Variants in ALCAM observed in about 807,000 individuals in gnomAD.
ALCAM encodes the protein CD166 antigen.
A neutral mutation model predicts 70.9 loss-of-function variants in ALCAM; 30 were observed. That is an observed-to-expected ratio of 0.42 (90% CI 0.32 to 0.57). The LOEUF (loss-of-function observed/expected upper bound fraction) is 0.57, where lower values mean the gene tolerates loss of function less well. Ranked by LOEUF, ALCAM falls within the 20% of genes least tolerant of loss-of-function variation. The probability of loss-of-function intolerance (pLI) is 0.11; values close to 1 mark genes in which losing one functional copy is unlikely to be tolerated. For synonymous variants in ALCAM, 249 were observed against 242.5 expected, an observed-to-expected ratio of 1.03 and a Z score of -0.25; for missense variants, 591 against 695.1, an observed-to-expected ratio of 0.85 and a Z score of 1.68.
At chr3:105,434,631 C>T (rs1194683288) in intron 1 of ALCAM, among the ~76,000 whole-genome samples, 1 of 151,888 alleles carries the variant, frequency 6.6e-6, no homozygotes, top group Non-Finnish European at 1.5e-5. Context: ...CCTGTTCTTA[C>T]TGGTAAGTAG....
Position 105,447,037 on chromosome 3 carries a change from G to A in ALCAM, c.74-73030G>A, listed in dbSNP as rs146731938. ...CTCGCCACAAAAAAAAATGATAAATGTGCGAAGTTATGGATATGCTAAATG... is the reference window on the plus strand; with the variant it reads ...CTCGCCACAAAAAAAAATGATAAATATGCGAAGTTATGGATATGCTAAATG... On this transcript the variant is annotated intron_variant, in intron 1 of 15. Coordinates refer to ENST00000306107, the MANE Select transcript of ALCAM (RefSeq NM_001627.4). Among the ~76,000 whole-genome samples, 35 of 152,262 alleles carry A rather than the reference G, an allele frequency of 2.3e-4. 1 individual carries two copies. In the East Asian group the frequency reaches 6.6e-3, roughly 29 times the overall value.
chr3:105,449,076 A>T (rs1385301134), intron 1 of ALCAM, among the ~76,000 whole-genome samples: 1 of 152,242 alleles, frequency 6.6e-6, no homozygotes, highest in East Asian at 1.9e-4. Context: ...CACATGGAAA[A>T]AAAACAAACA....
intron 14 of ALCAM, 24 bp downstream of exon 14, chr3:105,552,609 C>T (rs546670647): frequency 1.2e-6 from 2 of 1,610,552 alleles, no homozygotes; most frequent in East Asian, 2.2e-5. Flanking sequence ...AAAAGATCTT[C>T]ATCGTTCATT....
intron 1 of ALCAM, among the ~76,000 whole-genome samples, chr3:105,399,231 A>T (rs1425774589): frequency 6.6e-6 from 1 of 152,098 alleles, no homozygotes. Context: ...GCATCATCGT[A>T]CCCAGCAAAT....
chr3:105,472,190 C>A (rs1937954024), intron 1 of ALCAM, among the ~76,000 whole-genome samples: 1 of 150,842 alleles, frequency 6.6e-6, no homozygotes, highest in Admixed American at 6.6e-5. Context: ...TTGTTTGTTT[C>A]TTTGTTTGTT....
chr3:105,463,332 C>A (rs1937630449), intron 1 of ALCAM, among the ~76,000 whole-genome samples: 1 of 151,404 alleles, frequency 6.6e-6, no homozygotes, highest in Non-Finnish European at 1.5e-5. Context: ...CATTTTACAG[C>A]CTGCTCTGAT....
At chr3:105,552,852 T>C (rs574639903) in intron 14 of ALCAM, 14 of 1,222,846 alleles carry the variant, frequency 1.1e-5, no homozygotes, top group Non-Finnish European at 1.4e-5. Context: ...TTTCAGTGCT[T>C]GAGTGAATTT....
intron 1 of ALCAM, among the ~76,000 whole-genome samples, chr3:105,468,506 A>G (rs1937816168): frequency 6.6e-6 from 1 of 151,320 alleles, no homozygotes; most frequent in South Asian, 2.1e-4. Flanking sequence ...TAGAATATGC[A>G]TCATTTTGTT....
chr3:105,540,220 T>A, intron 7 of ALCAM, 118 bp downstream of exon 7: 2 of 1,069,846 alleles, frequency 1.9e-6, no homozygotes, highest in Non-Finnish European at 2.6e-6. Context: ...ACGCCACCTA[T>A]AAAATGTCAC....
chr3:105,472,858 GA>G (rs2152603988), intron 1 of ALCAM, among the ~76,000 whole-genome samples: 1 of 151,508 alleles, frequency 6.6e-6, no homozygotes, highest in South Asian at 2.1e-4. Context: ...TAAGGACAAA[GA>G]TAAAAATATT....
intron 3 of ALCAM, among the ~76,000 whole-genome samples, chr3:105,529,574 GT>G (rs1165193353): frequency 6.6e-6 from 1 of 152,008 alleles, no homozygotes; most frequent in East Asian, 1.9e-4. Context: ...AATGAAATAA[GT>G]ATTACCATTA....
rs532641229 is a variant in ALCAM, at chr3:105,478,841, C to T, written c.74-41226C>T. 9.2e-5 allele frequency among the ~76,000 whole-genome samples: 14 copies of T among 152,022 alleles called. 1 individual carries two copies. The South Asian group carries it at 2.3e-3, about 25-fold the overall frequency. Reference sequence around the variant, plus strand: ...GATTTTTTTGGAAATAAATATTTTACGGGAGGCATGAATGATGATTTAGAG... The same window carrying T: ...GATTTTTTTGGAAATAAATATTTTATGGGAGGCATGAATGATGATTTAGAG... On this transcript the variant is annotated intron_variant, in intron 1 of 15. Transcript: ENST00000306107.
chr3:105,484,855 A>G (rs1938379899), intron 1 of ALCAM, among the ~76,000 whole-genome samples: 1 of 152,120 alleles, frequency 6.6e-6, no homozygotes, highest in Non-Finnish European at 1.5e-5. Flanking sequence ...ACAACTGGGA[A>G]GTTAGTGAAC....
intron 1 of ALCAM, among the ~76,000 whole-genome samples, chr3:105,421,004 T>C (rs145852890): frequency 1.5e-3 from 230 of 151,618 alleles, no homozygotes; most frequent in African/African-American, 5.2e-3. Flanking sequence ...CCGGGGCAAC[T>C]TTTTTTAAGC....
intron 10 of ALCAM, 50 bp downstream of exon 10, chr3:105,547,334 A>G (rs1219881479): frequency 6.3e-7 from 1 of 1,575,626 alleles, no homozygotes; most frequent in Non-Finnish European, 8.6e-7. Context: ...AGAATTTTTT[A>G]CCTGGTTTCT....
chr3:105,374,601 C>T (rs538087938), intron 1 of ALCAM, among the ~76,000 whole-genome samples: 1 of 152,282 alleles, frequency 6.6e-6, no homozygotes, highest in East Asian at 1.9e-4. Context: ...ACTGCAACCT[C>T]TGCCTCCCGA....
chr3:105,545,718 A>G (rs1940230323), intron 9 of ALCAM, among the ~76,000 whole-genome samples: 2 of 151,508 alleles, frequency 1.3e-5, no homozygotes, highest in Non-Finnish European at 3.0e-5. Flanking sequence ...TACAAAGATT[A>G]TTATTTTCCC....
At chr3:105,564,023 A>G (rs1431109292) in intron 14 of ALCAM, among the ~76,000 whole-genome samples, 2 of 151,788 alleles carry the variant, frequency 1.3e-5, no homozygotes. Context: ...AACACAACCT[A>G]CTACATAATC....
At chr3:105,393,509 A>G (rs1423684645) in intron 1 of ALCAM, among the ~76,000 whole-genome samples, 1 of 151,892 alleles carries the variant, frequency 6.6e-6, no homozygotes, top group East Asian at 1.9e-4. Context: ...GCTGTGGCAT[A>G]GTATTTCTGG....
Sources: allele counts gnomAD v4.1 joint callset (sites outside exome capture counted in the v4.1 genomes callset), GRCh38; gene constraint gnomAD v4.1.1; transcripts MANE v1.5; gene names NCBI Gene and HGNC (gene_info 2026-07-23, HGNC 2026-07-21).